Variants in UTRN observed in about 807,000 individuals in gnomAD.
UTRN encodes utrophin.
In UTRN, 283 loss-of-function variants were observed where a neutral mutation model predicts 463.9. The observed-to-expected ratio is 0.61, with a 90% CI of 0.55 to 0.67. The LOEUF (loss-of-function observed/expected upper bound fraction) is 0.67. Among genes scored for constraint, UTRN ranks in the 30% least tolerant of loss-of-function variants. The pLI is 0.00. For synonymous variants in UTRN, 1,442 were observed against 1,431.5 expected, an observed-to-expected ratio of 1.01 and a Z score of -0.17; for missense variants, 3,922 against 4,084.3, an observed-to-expected ratio of 0.96 and a Z score of 1.08.
intron 52 of UTRN, among the ~76,000 whole-genome samples, chr6:144,683,812 A>G (rs1473579007): frequency 6.6e-6 from 1 of 152,132 alleles, no homozygotes; most frequent in Non-Finnish European, 1.5e-5. Context: ...AGCCATAAAC[A>G]TCAAATGTGG....
chr6:144,732,283 C>CACATAT (rs1478264012), intron 54 of UTRN, among the ~76,000 whole-genome samples: 22 of 123,820 alleles, frequency 1.8e-4, no homozygotes, highest in Admixed American at 4.3e-4. Context: ...TATATACACA[C>CACATAT]ATATATATAT....
intron 33 of UTRN, among the ~76,000 whole-genome samples, chr6:144,498,158 T>C (rs1793838274): frequency 6.6e-6 from 1 of 152,256 alleles, no homozygotes; most frequent in Non-Finnish European, 1.5e-5. Flanking sequence ...GGGGTCATTA[T>C]TGAACTTAGC....
At chr6:144,641,816 T>G (rs1777801980) in intron 51 of UTRN, among the ~76,000 whole-genome samples, 1 of 152,330 alleles carries the variant, frequency 6.6e-6, no homozygotes, top group East Asian at 1.9e-4. Context: ...CCGAATAATA[T>G]TGCCATGAAT....
intron 55 of UTRN, among the ~76,000 whole-genome samples, chr6:144,748,968 G>A (rs1481676159): frequency 1.3e-5 from 2 of 151,466 alleles, no homozygotes; most frequent in Non-Finnish European, 2.9e-5. Context: ...CTCTCTACTC[G>A]GTATCTCTTG....
chr6:144,474,695 T>G lies in UTRN; in HGVS notation c.3272T>G (p.Ile1091Arg), dbSNP rs1221754546. Reference protein sequence around the residue: ...TNLRSGPVAGIKTWVQTRLGD... With the variant: ...TNLRSGPVAGRKTWVQTRLGD... ...CTTCGAAGTGGTCCAGTTGCTGGAA[T>G]AAAAACTTGGGTGCAGACAAGACTA... Residue 1091 changes from isoleucine to arginine, a missense_variant, in exon 25 of 75, where the codon ATA becomes AGA. Coordinates refer to ENST00000367545, the MANE Select transcript of UTRN (RefSeq NM_007124.3). 1 of 1,614,114 alleles carries G rather than the reference T, an allele frequency of 6.2e-7. No individual in the cohort carries two copies. The highest frequency in any genetic ancestry group is 1.1e-5 in the South Asian group (1 of 91,076).
At chr6:144,450,142 C>T (rs768529798) in intron 17 of UTRN, among the ~76,000 whole-genome samples, 24 of 152,170 alleles carry the variant, frequency 1.6e-4, no homozygotes, top group Non-Finnish European at 3.4e-4. Flanking sequence ...GCTTTCACAG[C>T]CTGTTCTCGA....
chr6:144,806,974 T>G (rs975925695), intron 65 of UTRN, among the ~76,000 whole-genome samples: 1 of 152,170 alleles, frequency 6.6e-6, no homozygotes, highest in Non-Finnish European at 1.5e-5. Context: ...CATCTTTTAC[T>G]CAACATTTCC....
intron 51 of UTRN, among the ~76,000 whole-genome samples, chr6:144,662,476 T>C (rs1172996341): frequency 6.6e-6 from 1 of 152,204 alleles, no homozygotes; most frequent in Admixed American, 6.5e-5. Flanking sequence ...TTACCCTCAA[T>C]TCTCAGTCCT....
intron 3 of UTRN, among the ~76,000 whole-genome samples, chr6:144,408,119 T>C (rs1783576914): frequency 6.6e-6 from 1 of 152,196 alleles, no homozygotes; most frequent in South Asian, 2.1e-4. Context: ...AGATGATAAT[T>C]ACTTAGGAAT....
At chr6:144,643,434 G>A (rs1469457465) in intron 51 of UTRN, among the ~76,000 whole-genome samples, 1 of 152,136 alleles carries the variant, frequency 6.6e-6, no homozygotes, top group Non-Finnish European at 1.5e-5. Context: ...TAAGAGAGTA[G>A]GTTGTATTGG....
rs530196549 is a variant in UTRN, at chr6:144,603,036, C to A, written c.7479+25748C>A. On this transcript the variant is annotated intron_variant, in intron 51 of 74. Coordinates refer to ENST00000367545, the MANE Select transcript of UTRN (RefSeq NM_007124.3). ...ATACGCCTGTATGCATGTAAAGCAT[C>A]TTTGCACAAATTTAGAATTGTCTTT... Among the ~76,000 whole-genome samples, 284 of 152,248 alleles carry A rather than the reference C, an allele frequency of 1.9e-3. 1 individual carries two copies. The highest frequency in any genetic ancestry group is 2.5e-3 in the Non-Finnish European group (168 of 68,010).
At chr6:144,743,658 C>T (rs562627700) in intron 54 of UTRN, among the ~76,000 whole-genome samples, 53 of 152,290 alleles carry the variant, frequency 3.5e-4, no homozygotes, top group Non-Finnish European at 5.9e-4. Flanking sequence ...GTTCCTGGTC[C>T]AGCTTTGGTT....
intron 46 of UTRN, among the ~76,000 whole-genome samples, chr6:144,545,505 G>A (rs1182541861): frequency 6.6e-6 from 1 of 152,166 alleles, no homozygotes; most frequent in African/African-American, 2.4e-5. Flanking sequence ...TGCCAAGAAC[G>A]TAATCATTTC....
chr6:144,606,491 C>T (rs2128639610), intron 51 of UTRN, among the ~76,000 whole-genome samples: 1 of 152,320 alleles, frequency 6.6e-6, no homozygotes, highest in South Asian at 2.1e-4. Context: ...ATTAGTTTTG[C>T]ATTTTCTCAT....
intron 2 of UTRN, among the ~76,000 whole-genome samples, chr6:144,354,395 A>G (rs1382497946): frequency 6.6e-6 from 1 of 152,236 alleles, no homozygotes; most frequent in East Asian, 1.9e-4. Flanking sequence ...CCGAAAGGAC[A>G]ATGCAAGTTA....
At chr6:144,686,364 C>T (rs1165236734) in intron 52 of UTRN, among the ~76,000 whole-genome samples, 1 of 152,044 alleles carries the variant, frequency 6.6e-6, no homozygotes, top group Non-Finnish European at 1.5e-5. Flanking sequence ...GTATATTCTT[C>T]AGTTCTTGAG....
Position 144,635,844 on chromosome 6 carries a change from C to A in UTRN, c.7480-42562C>A, listed in dbSNP as rs74394924. Reference sequence around the variant, plus strand: ...GTGAGCCATCGTGCCCAGCCTAGGCCCCCCTGCTGCCTTTAAAAAAAATTT... The same window carrying A: ...GTGAGCCATCGTGCCCAGCCTAGGCACCCCTGCTGCCTTTAAAAAAAATTT... On this transcript the variant is annotated intron_variant, in intron 51 of 74. Coordinates refer to ENST00000367545, the MANE Select transcript of UTRN (RefSeq NM_007124.3). Among the ~76,000 whole-genome samples, 609 of 151,844 alleles carry A rather than the reference C, an allele frequency of 4.0e-3. 7 individuals carry two copies. The highest frequency in any genetic ancestry group is 0.013 in the African/African-American group (524 of 41,420).
At chr6:144,688,457 C>A (rs1782977259) in intron 52 of UTRN, among the ~76,000 whole-genome samples, 1 of 152,008 alleles carries the variant, frequency 6.6e-6, no homozygotes, top group African/African-American at 2.4e-5. Flanking sequence ...GGTCATATTG[C>A]CAGAATTATT....
Position 144,557,192 on chromosome 6 carries a change from C to T in UTRN, c.7170C>T (p.Ile2390=), listed in dbSNP as rs539789741. The change falls in exon 50 of 75, where the codon ATC becomes ATT. Residue 2390 remains isoleucine (I), a synonymous_variant. Coordinates refer to ENST00000367545, the MANE Select transcript of UTRN (RefSeq NM_007124.3). ...AAGAACTGGGTCCTGGAGATGGTATCGTCATGGCGTTCGATAACGTCCTGC... is the reference window on the plus strand; with the variant it reads ...AAGAACTGGGTCCTGGAGATGGTATTGTCATGGCGTTCGATAACGTCCTGC... ...LLQELGPGDG[I]VMAFDNVLQK... 21 of 1,613,900 alleles carry T rather than the reference C, an allele frequency of 1.3e-5. No individual in the cohort carries two copies. Among genetic ancestry groups the T allele is most frequent in the South Asian group, 1.1e-4 (10 of 91,076 alleles).
Sources: gnomAD v4.1 joint callset for allele counts (sites outside exome capture counted in the v4.1 genomes callset) on GRCh38, gnomAD v4.1.1 for gene constraint, MANE v1.5 for transcripts, NCBI Gene and HGNC (gene_info 2026-07-23, HGNC 2026-07-21) for gene names.